The following ENO3 variants were observed in gnomAD, a reference collection of about 807,000 sequenced individuals.
ENO3 encodes beta-enolase.
In ENO3, 46 loss-of-function variants were observed where a neutral mutation model predicts 47.7. The observed-to-expected ratio is 0.96, with a 90% confidence interval of 0.76 to 1.23. The LOEUF (loss-of-function observed/expected upper bound fraction) is 1.23, where lower values mean the gene tolerates loss of function less well. Among genes scored for constraint, ENO3 ranks in the 50% most tolerant of loss-of-function variants. The pLI, the probability that ENO3 is intolerant of heterozygous loss-of-function variation, is 0.00. For synonymous variants in ENO3, 223 were observed against 225.9 expected (o/e 0.99, Z 0.11); for missense variants, 575 against 566.2 (o/e 1.02, Z -0.16).
chr17:4,955,033 T>C (rs774363775), intron 6 of ENO3, 42 bp from the exon 7 acceptor site: 2 of 1,502,242 alleles, frequency 1.3e-6, no homozygotes, highest in Admixed American at 3.5e-5. Context: ...TCTTGAGCTC[T>C]CATGCCCCGG....
At chr17:4,952,658 C>T (rs940248838) in intron 2 of ENO3, 137 bp from the exon 3 acceptor site, 28 of 890,628 alleles carry the variant, frequency 3.1e-5, no homozygotes, top group African/African-American at 2.3e-4. Flanking sequence ...GAGACGGTTT[C>T]GCCATGTTAG....
chr17:4,952,089 C>A, intron 2 of ENO3, 175 bp downstream of exon 2: 1 of 732,486 alleles, frequency 1.4e-6, no homozygotes, highest in Non-Finnish European at 2.4e-6. Flanking sequence ...AAGCAGGAGT[C>A]TCTCTCTGCA....
At chr17:4,949,168 C>T (rs4790714), upstream of ENO3, 79,157 of 152,214 alleles carry the variant, frequency 0.52, 22,785 homozygotes, top group Non-Finnish European at 0.66. Flanking sequence ...CCTCACCACC[C>T]TTGATTTTAC....
upstream of ENO3, chr17:4,951,024 A>C (rs1971525358): frequency 2.0e-6 from 2 of 985,916 alleles, no homozygotes; most frequent in African/African-American, 3.5e-5. Context: ...CTGCCAGCCC[A>C]GTGTGAAGGG....
chr17:4,956,378 T>G (rs534508557), intron 9 of ENO3, 195 bp from the exon 10 acceptor site: 2 of 729,018 alleles, frequency 2.7e-6, no homozygotes, highest in East Asian at 5.4e-5. Context: ...TCTCTCAGAT[T>G]CCGCTGTTCT....
Position 4,951,967 on chromosome 17 carries a change from C to A in ENO3, c.85+53C>A, listed in dbSNP as rs550391267. The A allele has an allele frequency of 7.4e-5, 118 of 1,586,088 alleles. No homozygotes were observed. In the East Asian group the frequency reaches 2.2e-3, roughly 30 times the overall value. ...GCCTCCGAAGACCCCAACCCTTTGG[C>A]CTTTGCCCCCCAGTTCTGTGCCATA... On this transcript the variant is annotated intron_variant, in intron 2 of 11. Coordinates refer to ENST00000519602, the MANE Select transcript of ENO3 (RefSeq NM_053013.4).
At chr17:4,949,191 T>TA (rs1350552857), upstream of ENO3, 3 of 152,138 alleles carry the variant, frequency 2.0e-5, no homozygotes, top group Non-Finnish European at 2.9e-5. Context: ...ATTCAAGTAA[T>TA]AAGAAAGCAA....
At chr17:4,950,556 C>T (rs540862459), upstream of ENO3, 4 of 985,504 alleles carry the variant, frequency 4.1e-6, no homozygotes, top group Admixed American at 6.1e-5. Context: ...TCCCCTAACT[C>T]ATCCCGGCGC....
At chr17:4,953,936 C>T (rs973000629) in intron 6 of ENO3, 91 bp downstream of exon 6, 6 of 1,589,332 alleles carry the variant, frequency 3.8e-6, no homozygotes, top group East Asian at 2.3e-5. Flanking sequence ...ATCCACCTTT[C>T]AGACCAGCTC....
chr17:4,952,545 G>C (rs563896406), intron 2 of ENO3, among the ~76,000 whole-genome samples: 20 of 152,132 alleles, frequency 1.3e-4, no homozygotes, highest in African/African-American at 3.6e-4. Flanking sequence ...GGATTGTCTC[G>C]ATCTCCTGAT....
intron 8 of ENO3, 38 bp downstream of exon 8, chr17:4,955,642 C>T: frequency 1.9e-6 from 3 of 1,611,468 alleles, no homozygotes; most frequent in Non-Finnish European, 2.5e-6. Flanking sequence ...CTGCCCGAAT[C>T]CCGTGCAGCT....
chr17:4,949,890 G>C (rs1325127151), upstream of ENO3, among the ~76,000 whole-genome samples: 5 of 152,042 alleles, frequency 3.3e-5, no homozygotes, highest in African/African-American at 9.7e-5. Flanking sequence ...CCGCACCCGG[G>C]CACGTGGCGG....
intron 2 of ENO3, chr17:4,952,409 T>C (rs1187766756): frequency 1.7e-5 from 6 of 343,540 alleles, no homozygotes; most frequent in Admixed American, 4.3e-5. Flanking sequence ...AGTGGCGCGA[T>C]CTAGGCTCAC....
chr17:4,951,802 A>G, intron 1 of ENO3, 26 bp from the exon 2 acceptor site: 1 of 1,611,224 alleles, frequency 6.2e-7, no homozygotes, highest in Non-Finnish European at 8.5e-7. Context: ...AACTGTCTAC[A>G]CTCACTCACA....
At position 4,955,508 on chromosome 17, in the gene ENO3, T is replaced by A; in HGVS notation, c.769T>A (p.Tyr257Asn). 1 of 1,614,202 alleles carries A rather than the reference T, an allele frequency of 6.2e-7. No homozygotes were observed. Among genetic ancestry groups the A allele is most frequent in the Non-Finnish European group, 8.5e-7 (1 of 1,180,032 alleles). ...AASEFYRNGK[Y>N]DLDFKSPDDP... is the part of the protein sequence containing the mutation. ...ATCTGAGTTCTATCGCAATGGGAAG[T>A]ACGATCTTGACTTCAAGTCGCCTGA... Residue 257 changes from tyrosine to asparagine, a missense_variant, in exon 8 of 12, where the codon TAC (tyrosine) becomes AAC (asparagine). Transcript: ENST00000519602.
intron 9 of ENO3, 192 bp downstream of exon 9, chr17:4,956,335 TC>T (rs1971732318): frequency 6.4e-6 from 5 of 779,368 alleles, no homozygotes; most frequent in Non-Finnish European, 1.1e-5. Context: ...TGTGGCTCTG[TC>T]ATGACCCCCC....
At position 4,951,901 on chromosome 17, in the gene ENO3, GCA is replaced by G; in HGVS notation, c.76_77del (p.Thr26GlyfsTer19). 6.2e-7 allele frequency: 1 copy of G among 1,614,116 alleles called. No homozygotes were observed. Among genetic ancestry groups the G allele is most frequent in the Non-Finnish European group, 8.5e-7 (1 of 1,179,996 alleles). On this transcript the variant is annotated frameshift_variant, in exon 2 of 12. Transcript: ENST00000519602. LOFTEE classifies it high-confidence loss of function. Reference sequence around the variant, plus strand: ...GCAACCCCACGGTGGAGGTGGACCTGCACACGGCCAAGGGTAACACAAGGCCC... The same window carrying G: ...GCAACCCCACGGTGGAGGTGGACCTGCACGGCCAAGGGTAACACAAGGCCC... ...RGNPTVEVDL[H>X]TAKGRFRAAV... is the part of the protein sequence containing the mutation.
At chr17:4,953,503 C>T (rs1228258496) in intron 5 of ENO3, among the ~76,000 whole-genome samples, 162 bp downstream of exon 5, 2 of 152,242 alleles carry the variant, frequency 1.3e-5, no homozygotes, top group African/African-American at 4.8e-5. Context: ...TGCCTGCCTT[C>T]TGCCAGGCCT....
chr17:4,955,601 C>A lies in ENO3; in HGVS notation c.862C>A (p.Pro288Thr). The change falls in exon 8 of 12, where the codon CCT (proline) becomes ACT (threonine). Residue 288 changes from proline (P) to threonine (T), a missense_variant. Transcript: ENST00000519602. ...GTATAAGAGCTTTATCAAGAACTAT[C>A]CTGGTGAGGCGTTCGGGTGTCCCAG... ...ELYKSFIKNY[P>T]VVSIEDPFDQ... 1 of 1,614,240 alleles carries A rather than the reference C, an allele frequency of 6.2e-7. No homozygotes were observed. The highest frequency in any genetic ancestry group is 1.1e-5 in the South Asian group (1 of 91,080).
Sources: gnomAD v4.1 joint callset for allele counts (sites outside exome capture counted in the v4.1 genomes callset) on GRCh38, gnomAD v4.1.1 for gene constraint, MANE v1.5 for transcripts, NCBI Gene and HGNC (gene_info 2026-07-23, HGNC 2026-07-21) for gene names.